ARK2C: variants seen among roughly 807,000 people sequenced by gnomAD.
ARK2C encodes arkadia (RNF111) C-terminal like ring finger ubiquitin ligase 2C, also known as E3 ubiquitin-protein ligase ARK2C.
chr18:46,399,703 T>C, the ARK2C span, among the ~76,000 whole-genome samples: 1 of 152,136 alleles, frequency 6.6e-6, no homozygotes, highest in Non-Finnish European at 1.5e-5. Flanking sequence ...GCATCTCATT[T>C]CACAGGTGAG....
the ARK2C span, among the ~76,000 whole-genome samples, chr18:46,387,719 G>T: frequency 1.3e-5 from 2 of 152,268 alleles, no homozygotes; most frequent in African/African-American, 4.8e-5. Context: ...GAAGTCAAAC[G>T]CTGGGACGGG....
At chr18:46,397,923 GTGA>G in the ARK2C span, among the ~76,000 whole-genome samples, 5 of 147,486 alleles carry the variant, frequency 3.4e-5, 1 homozygote, top group Admixed American at 2.7e-4. Context: ...TGGTGTGTGT[GTGA>G]TGATGCTGGG....
the ARK2C span, among the ~76,000 whole-genome samples, chr18:46,427,352 C>T: frequency 6.6e-6 from 1 of 152,198 alleles, no homozygotes; most frequent in South Asian, 2.1e-4. Context: ...GAAACCTCCC[C>T]AGGCTGGGGC....
At chr18:46,418,056 C>T in the ARK2C span, among the ~76,000 whole-genome samples, 1 of 151,370 alleles carries the variant, frequency 6.6e-6, no homozygotes, top group Non-Finnish European at 1.5e-5. Flanking sequence ...CTAGCAGCCA[C>T]ATTAAAAAAG....
chr18:46,340,251 AGG>A, the ARK2C span, among the ~76,000 whole-genome samples: 1 of 152,326 alleles, frequency 6.6e-6, no homozygotes, highest in South Asian at 2.1e-4. Context: ...ATTGGGGGAA[AGG>A]GGAGGGCTTA....
At chr18:46,394,160 G>C in the ARK2C span, among the ~76,000 whole-genome samples, 33 of 152,132 alleles carry the variant, frequency 2.2e-4, no homozygotes, top group African/African-American at 7.5e-4. Flanking sequence ...AGACAGATGG[G>C]GTCCCCTGCC....
At chr18:46,383,530 G>T in the ARK2C span, among the ~76,000 whole-genome samples, 3 of 150,094 alleles carry the variant, frequency 2.0e-5, no homozygotes, top group African/African-American at 7.4e-5. Context: ...AAAATCCTTG[G>T]CACCATGTTG....
At chr18:46,387,500 C>A in the ARK2C span, among the ~76,000 whole-genome samples, 1 of 152,222 alleles carries the variant, frequency 6.6e-6, no homozygotes, top group East Asian at 1.9e-4. Context: ...GAAACTTGTC[C>A]CAACTTTAGT....
At chr18:46,455,980 C>A in the ARK2C span, 3 of 1,609,596 alleles carry the variant, frequency 1.9e-6, no homozygotes, top group African/African-American at 1.3e-5. Flanking sequence ...ATAGCGAAGA[C>A]CCCAGGATGG....
chr18:46,457,317 G>C, the ARK2C span: 10 of 152,496 alleles, frequency 6.6e-5, no homozygotes, highest in African/African-American at 1.4e-4. Context: ...AGGCGGGAGG[G>C]GGGGGTTCTC....
the ARK2C span, among the ~76,000 whole-genome samples, chr18:46,436,527 T>G: frequency 6.6e-6 from 1 of 152,226 alleles, no homozygotes; most frequent in South Asian, 2.1e-4. Flanking sequence ...TGTGCCGTTG[T>G]GTCATTTTTC....
At chr18:46,417,925 A>G in the ARK2C span, among the ~76,000 whole-genome samples, 1 of 151,824 alleles carries the variant, frequency 6.6e-6, no homozygotes, top group African/African-American at 2.4e-5. Flanking sequence ...AATCGCTTGA[A>G]CCTGGGAGGT....
chr18:46,382,840 G>A, the ARK2C span, among the ~76,000 whole-genome samples: 1 of 152,166 alleles, frequency 6.6e-6, no homozygotes, highest in Admixed American at 6.5e-5. Context: ...TGGCATCTGA[G>A]CAGCTTGGTC....
At chr18:46,407,593 G>T in the ARK2C span, among the ~76,000 whole-genome samples, 1 of 152,092 alleles carries the variant, frequency 6.6e-6, no homozygotes, top group East Asian at 1.9e-4. Flanking sequence ...GAAGTTGGAG[G>T]CTAATCCCTT....
At chr18:46,342,246 C>T in the ARK2C span, among the ~76,000 whole-genome samples, 18 of 152,276 alleles carry the variant, frequency 1.2e-4, no homozygotes, top group Middle Eastern at 6.8e-3. Flanking sequence ...ATTGGACACT[C>T]GACTATGGCC....
chr18:46,392,943 A>T, the ARK2C span, among the ~76,000 whole-genome samples: 1 of 151,998 alleles, frequency 6.6e-6, no homozygotes, highest in Non-Finnish European at 1.5e-5. Context: ...AAGAAACACC[A>T]TGGAAACCCA....
the ARK2C span, among the ~76,000 whole-genome samples, chr18:46,359,608 A>G: frequency 6.6e-6 from 1 of 152,190 alleles, no homozygotes; most frequent in African/African-American, 2.4e-5. Context: ...AAGCCCATGT[A>G]TGAGCTAGGA....
chr18:46,377,702 G>C, the ARK2C span, among the ~76,000 whole-genome samples: 2 of 152,190 alleles, frequency 1.3e-5, no homozygotes, highest in Non-Finnish European at 2.9e-5. Context: ...GAGGGCAAAG[G>C]CATGAGAGAT....
chr18:46,438,454 A>G, the ARK2C span, among the ~76,000 whole-genome samples: 1 of 152,194 alleles, frequency 6.6e-6, no homozygotes, highest in Non-Finnish European at 1.5e-5. Flanking sequence ...TAGCATTCTT[A>G]GGATTGGGAT....
Sources: gnomAD v4.1 joint callset for allele counts (sites outside exome capture counted in the v4.1 genomes callset) on GRCh38, gnomAD v4.1.1 for gene constraint, MANE v1.5 for transcripts, NCBI Gene and HGNC (gene_info 2026-07-23, HGNC 2026-07-21) for gene names.